Variants in CPNE4 observed in about 807,000 individuals in gnomAD.
CPNE4 encodes the protein copine 4, also known as copine-4.
CPNE4 carries 25 observed loss-of-function variants against 67.9 expected under a neutral mutation model. The observed-to-expected ratio is 0.37, with a 90% CI of 0.27 to 0.51. CPNE4 has a LOEUF of 0.51. Ranked by LOEUF, CPNE4 falls within the 20% of genes least tolerant of loss-of-function variation. The pLI, the probability that CPNE4 is intolerant of heterozygous loss-of-function variation, is 0.93. For synonymous variants in CPNE4, 242 were observed against 244.9 expected (o/e 0.99, Z 0.11); for missense variants, 464 against 690.8 (o/e 0.67, Z 3.68).
chr3:131,872,141 C>A (rs1166800396), intron 2 of CPNE4, among the ~76,000 whole-genome samples: 1 of 151,588 alleles, frequency 6.6e-6, no homozygotes, highest in Non-Finnish European at 1.5e-5. Context: ...TCCAGAGAAA[C>A]AGAATCAATA....
At chr3:131,861,696 G>A (rs536087130) in intron 2 of CPNE4, among the ~76,000 whole-genome samples, 1 of 152,150 alleles carries the variant, frequency 6.6e-6, no homozygotes, top group Non-Finnish European at 1.5e-5. Context: ...GCCTCACAAA[G>A]TGCTGGGATT....
chr3:131,876,641 C>CA lies in CPNE4; in HGVS notation c.180+28622dup, dbSNP rs61625119. The stretch of plus-strand genomic sequence containing the variant: ...TGGGCGACAGAGCAAGACTCCGTCT[C>CA]AAAAAAAAAAAAAAAGAAAGAAAGA... On this transcript the variant is annotated intron_variant, in intron 2 of 15. Transcript: ENST00000429747. 9.9e-4 allele frequency among the ~76,000 whole-genome samples: 101 copies of CA among 101,614 alleles called. 1 individual carries two copies. The highest frequency in any genetic ancestry group is 2.4e-3 in the East Asian group (9 of 3,772). 66.7% of individuals were successfully genotyped at this position (101,614 alleles called of 152,430 possible).
chr3:131,976,182 G>A (rs1189110958), intron 1 of CPNE4, among the ~76,000 whole-genome samples: 1 of 150,658 alleles, frequency 6.6e-6, no homozygotes, highest in African/African-American at 2.4e-5. Context: ...GGGTCACAGT[G>A]GTATTAATGA....
At chr3:131,719,464 G>A (rs1207236454) in intron 3 of CPNE4, among the ~76,000 whole-genome samples, 1 of 152,126 alleles carries the variant, frequency 6.6e-6, no homozygotes, top group African/African-American at 2.4e-5. Context: ...CATTCTCAGT[G>A]CTCACTTCCA....
chr3:131,614,510 A>T (rs2107747135), intron 7 of CPNE4, among the ~76,000 whole-genome samples: 1 of 152,326 alleles, frequency 6.6e-6, no homozygotes, highest in East Asian at 1.9e-4. Flanking sequence ...CAGGAAAAAA[A>T]GTAGGTGTTT....
At chr3:131,834,517 A>G (rs1191892852) in intron 2 of CPNE4, among the ~76,000 whole-genome samples, 1 of 152,184 alleles carries the variant, frequency 6.6e-6, no homozygotes, top group Non-Finnish European at 1.5e-5. Flanking sequence ...CAGTAATTAT[A>G]TGTGTTAGTA....
At chr3:131,589,969 T>G (rs72999245) in intron 7 of CPNE4, among the ~76,000 whole-genome samples, 4,050 of 152,006 alleles carry the variant, frequency 0.027, 101 homozygotes, top group African/African-American at 0.07. Context: ...GAGAAGAAAT[T>G]AGGGTGGGTT....
At chr3:131,657,678 G>C (rs191819179) in intron 7 of CPNE4, among the ~76,000 whole-genome samples, 166 of 150,336 alleles carry the variant, frequency 1.1e-3, no homozygotes, top group Non-Finnish European at 1.9e-3. Context: ...GGGATTACAG[G>C]CACGTGCCAC....
At chr3:131,836,497 C>T (rs1442993055) in intron 2 of CPNE4, among the ~76,000 whole-genome samples, 1 of 152,208 alleles carries the variant, frequency 6.6e-6, no homozygotes, top group African/African-American at 2.4e-5. Flanking sequence ...CTACAGCTAA[C>T]ATTATATTTA....
intron 7 of CPNE4, among the ~76,000 whole-genome samples, chr3:131,654,961 T>A (rs1178991889): frequency 2.6e-5 from 4 of 152,214 alleles, no homozygotes; most frequent in African/African-American, 9.6e-5. Context: ...GAGAGATGAC[T>A]CCAAAGCTTT....
chr3:131,694,745 A>G (rs1048673643), intron 5 of CPNE4, among the ~76,000 whole-genome samples: 3 of 152,218 alleles, frequency 2.0e-5, no homozygotes, highest in African/African-American at 7.2e-5. Flanking sequence ...CCATTCAGCC[A>G]TCTCATGTGC....
intron 1 of CPNE4, among the ~76,000 whole-genome samples, chr3:131,906,195 A>AT (rs1447780525): frequency 1.4e-5 from 1 of 71,950 alleles, no homozygotes; most frequent in African/African-American, 4.8e-5. Flanking sequence ...CCTTTATTTT[A>AT]TTTTTTGTTT....
intron 2 of CPNE4, among the ~76,000 whole-genome samples, chr3:131,835,075 C>T (rs942686767): frequency 3.3e-4 from 50 of 152,210 alleles, no homozygotes; most frequent in African/African-American, 1.2e-3. Context: ...ACACTTAAAG[C>T]ACTTATCCAG....
At chr3:131,957,251 A>G (rs2072005281) in intron 1 of CPNE4, among the ~76,000 whole-genome samples, 1 of 152,234 alleles carries the variant, frequency 6.6e-6, no homozygotes, top group Non-Finnish European at 1.5e-5. Flanking sequence ...ACCAAAGGAT[A>G]ATAATGTCTC....
rs867544790 is a variant in CPNE4 at position 131,796,893 on chromosome 3, G to C, written c.181-73268C>G. ...ACACATAGTCTTTTCATCTAATGAC[G>C]TTGGCAAGTTTAACTTTCTTTGCAA... On this transcript the variant is annotated intron_variant, in intron 2 of 15. Coordinates refer to ENST00000429747, the MANE Select transcript of CPNE4 (RefSeq NM_130808.3). Among the ~76,000 whole-genome samples, 6 of 152,172 alleles carry C rather than the reference G, an allele frequency of 3.9e-5. No individual in the cohort carries two copies. In the South Asian group the frequency reaches 1.0e-3, roughly 26 times the overall value.
chr3:131,900,394 G>A (rs994898601), intron 2 of CPNE4, among the ~76,000 whole-genome samples: 1 of 152,020 alleles, frequency 6.6e-6, no homozygotes, highest in Non-Finnish European at 1.5e-5. Flanking sequence ...CTGTTGGTGG[G>A]GATGTAAATT....
At chr3:131,831,948 A>G (rs2085389080) in intron 2 of CPNE4, among the ~76,000 whole-genome samples, 1 of 152,228 alleles carries the variant, frequency 6.6e-6, no homozygotes, top group South Asian at 2.1e-4. Flanking sequence ...AATATAATGT[A>G]CAAAGGCACA....
At chr3:131,554,594 A>G (rs1559888216) in intron 12 of CPNE4, among the ~76,000 whole-genome samples, 1 of 152,078 alleles carries the variant, frequency 6.6e-6, no homozygotes, top group Non-Finnish European at 1.5e-5. Flanking sequence ...TCACTCTAGG[A>G]GCAACAGGGA....
chr3:131,601,063 G>A (rs1939176483), intron 7 of CPNE4, among the ~76,000 whole-genome samples: 1 of 151,864 alleles, frequency 6.6e-6, no homozygotes, highest in Non-Finnish European at 1.5e-5. Flanking sequence ...ATGGTGAAAG[G>A]GAACTTGGTA....
Sources: gnomAD v4.1 joint callset for allele counts (sites outside exome capture counted in the v4.1 genomes callset) on GRCh38, gnomAD v4.1.1 for gene constraint, MANE v1.5 for transcripts, NCBI Gene and HGNC (gene_info 2026-07-23, HGNC 2026-07-21) for gene names.